The following ODF2 variants were observed in gnomAD, a reference collection of about 807,000 sequenced individuals.
ODF2 encodes outer dense fiber of sperm tails 2.
A neutral mutation model predicts 110.2 loss-of-function variants in ODF2; 47 were observed. That is an observed-to-expected ratio of 0.43 (90% CI 0.34 to 0.54). The LOEUF (loss-of-function observed/expected upper bound fraction) is 0.54. Ranked by LOEUF, ODF2 falls within the 20% of genes least tolerant of loss-of-function variation. ODF2 has a pLI of 0.03. For missense variants in ODF2, 812 were observed against 1,054.5 expected (o/e 0.77, Z 3.19); for synonymous variants, 352 against 397.7 (o/e 0.89, Z 1.37).
chr9:128,492,723 C>G, exon 16 of ODF2: 1 of 1,614,134 alleles, frequency 6.2e-7, no homozygotes, highest in Non-Finnish European at 8.5e-7. Flanking sequence ...AGATTGGAGG[C>G]TGATGAAGTA....
chr9:128,456,378 T>C (rs1384329962), intron 1 of ODF2, 123 bp downstream of exon 1: 13 of 1,427,754 alleles, frequency 9.1e-6, no homozygotes, highest in Non-Finnish European at 1.1e-5. Flanking sequence ...CCCCGCCGCG[T>C]TGCGCTCGTC....
At chr9:128,463,176 C>T (rs1236276002) in intron 4 of ODF2, among the ~76,000 whole-genome samples, 1 of 152,140 alleles carries the variant, frequency 6.6e-6, no homozygotes, top group Non-Finnish European at 1.5e-5. Flanking sequence ...GTGGGAGGAT[C>T]ACTTGAGCCA....
intron 2 of ODF2, among the ~76,000 whole-genome samples, chr9:128,457,943 AT>A (rs1181931486): frequency 0.024 from 3,306 of 140,426 alleles, 93 homozygotes; most frequent in East Asian, 0.066. Flanking sequence ...ATATATATAT[AT>A]TTTTTTTTTT....
At chr9:128,489,324 A>C (rs1239342562) in intron 14 of ODF2, among the ~76,000 whole-genome samples, 1 of 152,230 alleles carries the variant, frequency 6.6e-6, no homozygotes, top group Non-Finnish European at 1.5e-5. Context: ...ATGGAAAAGT[A>C]CACAGATCCT....
At chr9:128,468,185 T>C (rs1170690891) in intron 4 of ODF2, among the ~76,000 whole-genome samples, 1 of 152,168 alleles carries the variant, frequency 6.6e-6, no homozygotes, top group Non-Finnish European at 1.5e-5. Context: ...GTTTCTACAA[T>C]ACCTTTTCAG....
At position 128,494,921 on chromosome 9, in the gene ODF2, C is replaced by A; in HGVS notation, c.1911+253C>A. 8.3e-7 allele frequency: 1 copy of A among 1,211,456 alleles called. No homozygotes were observed. The highest frequency in any genetic ancestry group is 1.1e-6 in the Non-Finnish European group (1 of 894,648). The allele number at this position is 1,211,456 out of a possible 1,614,324, so 75.0% of individuals were successfully genotyped here. The stretch of plus-strand genomic sequence containing the variant: ...TGGGCCCTCCTGCTGTTGCCCCCAC[C>A]CAAGACTGCTGCCTCTGCCTGTGTG... On this transcript the variant is annotated intron_variant, in intron 17 of 20. Transcript: ENST00000604420. The surrounding 1 kb of genome is among the most constrained non-coding windows in gnomAD (Gnocchi z 4.6).
At chr9:128,456,383 C>T in intron 1 of ODF2, 128 bp downstream of exon 1, 2 of 1,429,302 alleles carry the variant, frequency 1.4e-6, no homozygotes, top group Non-Finnish European at 1.8e-6. Context: ...CCGCGTTGCG[C>T]TCGTCCCCCT....
intron 13 of ODF2, 39 bp from the exon 14 acceptor site, chr9:128,487,851 T>C: frequency 6.2e-7 from 1 of 1,610,218 alleles, no homozygotes; most frequent in Non-Finnish European, 8.5e-7. Context: ...ACCTGTGTAA[T>C]TGATTCTCTC....
At chr9:128,466,988 A>T (rs1224005120) in intron 4 of ODF2, among the ~76,000 whole-genome samples, 4 of 18,842 alleles carry the variant, frequency 2.1e-4, no homozygotes, top group African/African-American at 7.7e-4. Flanking sequence ...ATTAAAAAAA[A>T]AAAAAAAAAA....
intron 7 of ODF2, 59 bp from the exon 8 acceptor site, chr9:128,473,551 T>C: frequency 6.2e-7 from 1 of 1,601,112 alleles, no homozygotes; most frequent in Non-Finnish European, 8.5e-7. Flanking sequence ...TGAGTGCCCA[T>C]GGGGCCTGCT....
chr9:128,478,997 T>G (rs1040333270), intron 8 of ODF2, among the ~76,000 whole-genome samples: 1 of 152,186 alleles, frequency 6.6e-6, no homozygotes, highest in Admixed American at 6.6e-5. Flanking sequence ...GGTGAGTTCA[T>G]GCACATAGGA....
intron 18 of ODF2, 151 bp from the exon 19 acceptor site, chr9:128,498,262 A>G: frequency 8.2e-7 from 1 of 1,224,266 alleles, no homozygotes; most frequent in Non-Finnish European, 1.1e-6. Context: ...CGCCTTGCTG[A>G]TCTGCAGATT....
intron 2 of ODF2, among the ~76,000 whole-genome samples, chr9:128,459,002 G>T (rs1276578945): frequency 6.6e-6 from 1 of 151,944 alleles, no homozygotes; most frequent in Non-Finnish European, 1.5e-5. Flanking sequence ...ACGCCACCAC[G>T]CCAAGCTAAT....
Position 128,477,587 on chromosome 9 carries a change from T to C in ODF2, c.843+3846T>C, listed in dbSNP as rs1385816265. Among the ~76,000 whole-genome samples the C allele has an allele frequency of 3.3e-5, 5 of 151,930 alleles. No individual in the cohort carries two copies. In the South Asian group the frequency reaches 6.2e-4, roughly 19 times the overall value. On this transcript the variant is annotated intron_variant, in intron 8 of 20. Transcript: ENST00000604420. ...ATATATAACAAGTAATGTAAAGTGG[T>C]ATCCTCACTGCCCAGCTTTTTTTTT...
rs954711723 is a variant in ODF2, at chr9:128,456,953, C to G, written c.-208-245C>G. On this transcript the variant is annotated intron_variant, in intron 1 of 20. Coordinates refer to ENST00000604420, the Ensembl canonical transcript of ODF2. ...TAGGAGACAGTTGTCCGGCCCCGCCCCAGCATCCCCGCGGCTCCCTGCGCG... is the reference window on the plus strand; with the variant it reads ...TAGGAGACAGTTGTCCGGCCCCGCCGCAGCATCCCCGCGGCTCCCTGCGCG... 5.6e-6 allele frequency: 7 copies of G among 1,242,674 alleles called. No homozygotes were observed. The South Asian group carries it at 6.7e-5, about 12-fold the overall frequency. 77.0% of individuals were successfully genotyped at this position (1,242,674 alleles called of 1,614,324 possible). A position where few individuals can be genotyped will look rare whatever the true frequency, so the allele number is the denominator to read the frequency against.
intron 4 of ODF2, among the ~76,000 whole-genome samples, chr9:128,468,619 T>C (rs1838914877): frequency 6.6e-6 from 1 of 151,914 alleles, no homozygotes; most frequent in Non-Finnish European, 1.5e-5. Context: ...ACCTCCCGGG[T>C]TCAAGCGATC....
At chr9:128,472,052 G>T (rs901723283) in intron 6 of ODF2, among the ~76,000 whole-genome samples, 1 of 152,134 alleles carries the variant, frequency 6.6e-6, no homozygotes, top group Non-Finnish European at 1.5e-5. Flanking sequence ...GAGCCAAGGC[G>T]GGCAAATCAC....
At chr9:128,460,093 T>G in intron 3 of ODF2, 1 of 1,252,608 alleles carries the variant, frequency 8.0e-7, no homozygotes, top group Non-Finnish European at 1.0e-6. Context: ...TTGATCTGCC[T>G]GCTCTCTGAT....
At position 128,484,785 on chromosome 9, in the gene ODF2, C is replaced by T; in HGVS notation, c.1189C>T (p.Arg397Ter). The T allele has an allele frequency of 1.9e-6, 3 of 1,612,486 alleles. No individual in the cohort carries two copies. Among genetic ancestry groups the T allele is most frequent in the Non-Finnish European group, 2.5e-6 (3 of 1,179,378 alleles). The change falls in exon 12 of 21, where the codon CGA becomes TGA. Residue 397 changes from arginine (R) to a stop codon, truncating the protein, a stop_gained. Coordinates refer to ENST00000604420, the Ensembl canonical transcript of ODF2. LOFTEE classifies it high-confidence loss of function. ...GAAGGAGTTGAAGCAGAAGGGAGAC[C>T]GAGACAAAGAGAGCTTGAAGAAGGC...
Sources: allele counts gnomAD v4.1 joint callset (sites outside exome capture counted in the v4.1 genomes callset), GRCh38; gene constraint gnomAD v4.1.1; non-coding constraint Gnocchi (gnomAD v3.1); transcripts MANE v1.5; gene names NCBI Gene and HGNC (gene_info 2026-07-23, HGNC 2026-07-21).